Variants in MEIG1 observed in about 807,000 individuals in gnomAD.
MEIG1 encodes meiosis expressed gene 1 protein homolog.
MEIG1 carries 12 observed loss-of-function variants against 11.3 expected under a neutral mutation model. The observed-to-expected ratio is 1.07, with a 90% CI of 0.68 to 1.73. MEIG1 has a LOEUF of 1.73. Ranked by LOEUF, MEIG1 falls within the 40% of genes most tolerant of loss-of-function variation. MEIG1 has a pLI of 0.00. For synonymous variants in MEIG1, 41 were observed against 33.2 expected (o/e 1.24, Z -0.81); for missense variants, 119 against 104.9 (o/e 1.13, Z -0.59).
intron 1 of MEIG1, among the ~76,000 whole-genome samples, chr10:14,984,186 G>A (rs572341421): frequency 2.0e-5 from 3 of 151,496 alleles, no homozygotes; most frequent in Admixed American, 2.0e-4. Flanking sequence ...AGAGGGGGGT[G>A]CTATTACTCC....
intron 1 of MEIG1, among the ~76,000 whole-genome samples, chr10:14,982,023 C>A (rs564203904): frequency 2.0e-5 from 3 of 152,360 alleles, no homozygotes. Flanking sequence ...GCAAGCCCAG[C>A]CTGCTTCTGC....
Position 14,984,732 on chromosome 10 carries a change from G to T in MEIG1, n.67-2064G>T, listed in dbSNP as rs189554941. On this transcript the variant is annotated intron_variant and non_coding_transcript_variant, in intron 1 of 2. Transcript: ENST00000467536. The stretch of plus-strand genomic sequence containing the variant: ...TTATCGTCCTATTCTAGGGAAATGT[G>T]ACTTTTAATGTCACAGAGGTTGTAC... Among the ~76,000 whole-genome samples, 238 of 152,102 alleles carry T rather than the reference G, an allele frequency of 1.6e-3. 1 individual carries two copies. Among genetic ancestry groups the T allele is most frequent in the African/African-American group, 4.7e-3 (197 of 41,494 alleles).
At chr10:14,955,137 G>C (rs1341938788), upstream of MEIG1, among the ~76,000 whole-genome samples, 1 of 152,126 alleles carries the variant, frequency 6.6e-6, no homozygotes, top group Non-Finnish European at 1.5e-5. Flanking sequence ...TCACCACGTT[G>C]ACCAGGCTGG....
At chr10:14,963,251 C>G (rs568032642) in intron 1 of MEIG1, among the ~76,000 whole-genome samples, 320 of 152,272 alleles carry the variant, frequency 2.1e-3, no homozygotes, top group Middle Eastern at 0.01. Context: ...CATGCGCCAC[C>G]ACGCCCGGCT....
exon 3 of MEIG1, chr10:14,988,003 C>A (rs1253164303): frequency 1.3e-5 from 2 of 152,586 alleles, no homozygotes; most frequent in East Asian, 1.9e-4. Flanking sequence ...TATCATCCTT[C>A]GGTTTTCTGA....
intron 2 of MEIG1, among the ~76,000 whole-genome samples, chr10:14,969,895 T>A: frequency 6.6e-6 from 1 of 152,224 alleles, no homozygotes; most frequent in East Asian, 1.9e-4. Context: ...TTTATTAATC[T>A]CATCATCTTA....
At position 14,968,765 on chromosome 10, in the gene MEIG1, T is replaced by C. The variant is rs1036100012; in HGVS notation, c.138+2159T>C. Among the ~76,000 whole-genome samples the C allele has an allele frequency of 2.1e-4, 32 of 152,172 alleles. 2 individuals carry two copies. Among genetic ancestry groups the C allele is most frequent in the African/African-American group, 6.7e-4 (28 of 41,524 alleles). On this transcript the variant is annotated intron_variant, in intron 2 of 2. Coordinates refer to ENST00000407572, the MANE Select transcript of MEIG1 (RefSeq NM_001080836.3). The stretch of plus-strand genomic sequence containing the variant: ...TTTTAAACAGAAAAAACAGAAGCAT[T>C]ATCATTTTTATGCTGTTTAAAATAA...
chr10:14,979,960 T>A (rs1248169226), intron 1 of MEIG1, among the ~76,000 whole-genome samples: 1 of 152,056 alleles, frequency 6.6e-6, no homozygotes, highest in East Asian at 1.9e-4. Flanking sequence ...AGGGGGATAA[T>A]TACCCTAAAG....
chr10:14,987,247 G>C, intron 2 of MEIG1: 1 of 921,522 alleles, frequency 1.1e-6, no homozygotes, highest in South Asian at 1.3e-5. Flanking sequence ...GGTTGGAGAG[G>C]AAGAAGTACA....
At chr10:14,987,035 G>A (rs1028040024) in intron 2 of MEIG1, 9 of 608,710 alleles carry the variant, frequency 1.5e-5, no homozygotes, top group Admixed American at 9.3e-5. Context: ...ATGATGACTG[G>A]GTAGTGCAGA....
chr10:14,966,978 C>G (rs1055001398), intron 2 of MEIG1, among the ~76,000 whole-genome samples: 1 of 152,122 alleles, frequency 6.6e-6, no homozygotes, highest in South Asian at 2.1e-4. Context: ...AAGTGATCCA[C>G]GCGCCTAAGC....
intron 1 of MEIG1, among the ~76,000 whole-genome samples, chr10:14,983,946 A>C (rs1317551204): frequency 1.3e-5 from 2 of 151,938 alleles, no homozygotes; most frequent in Non-Finnish European, 2.9e-5. Flanking sequence ...ATTGTTCCTA[A>C]TGTCAACGTG....
intron 1 of MEIG1, among the ~76,000 whole-genome samples, chr10:14,980,049 C>A (rs920212035): frequency 6.6e-6 from 1 of 151,310 alleles, no homozygotes; most frequent in African/African-American, 2.4e-5. Context: ...AATGTGTGCA[C>A]GCCGTGATAT....
At chr10:14,960,510 C>A (rs1020651777) in intron 1 of MEIG1, among the ~76,000 whole-genome samples, 1 of 152,060 alleles carries the variant, frequency 6.6e-6, no homozygotes, top group African/African-American at 2.4e-5. Context: ...GCTCCGCCTC[C>A]CGGGTTCACG....
intron 2 of MEIG1, among the ~76,000 whole-genome samples, chr10:14,966,821 C>G (rs376915969): frequency 6.6e-6 from 1 of 152,068 alleles, no homozygotes; most frequent in Non-Finnish European, 1.5e-5. Context: ...GCACACTCCA[C>G]CTCCCGGATT....
At chr10:14,956,653 G>A (rs536954856), upstream of MEIG1, among the ~76,000 whole-genome samples, 2 of 152,198 alleles carry the variant, frequency 1.3e-5, no homozygotes, top group African/African-American at 4.8e-5. Context: ...GGAAGCTGCT[G>A]CAATACTGCA....
downstream of MEIG1, among the ~76,000 whole-genome samples, chr10:14,974,422 G>A (rs185834685): frequency 6.6e-6 from 1 of 152,110 alleles, no homozygotes; most frequent in Non-Finnish European, 1.5e-5. Flanking sequence ...TGTTTTCCCA[G>A]TTGAGAAGGT....
chr10:14,959,929 TG>T (rs1473847863), intron 1 of MEIG1, among the ~76,000 whole-genome samples: 2 of 152,216 alleles, frequency 1.3e-5, no homozygotes, highest in Non-Finnish European at 2.9e-5. Flanking sequence ...TAGTGATTTA[TG>T]GCAGAAAGGA....
downstream of MEIG1, among the ~76,000 whole-genome samples, chr10:14,976,136 G>C (rs556006074): frequency 6.6e-6 from 1 of 152,256 alleles, no homozygotes; most frequent in East Asian, 1.9e-4. Context: ...GGGAGAGGGG[G>C]TTGATATTAC....
Sources: gnomAD v4.1 joint callset for allele counts (sites outside exome capture counted in the v4.1 genomes callset) on GRCh38, gnomAD v4.1.1 for gene constraint, MANE v1.5 for transcripts, NCBI Gene and HGNC (gene_info 2026-07-23, HGNC 2026-07-21) for gene names.